DPP10: variants seen among roughly 807,000 people sequenced by gnomAD.
DPP10 encodes the protein dipeptidyl peptidase like 10.
In DPP10, 33 loss-of-function variants were observed where a neutral mutation model predicts 120.9. The observed-to-expected ratio is 0.27, with a 90% CI of 0.21 to 0.37. The LOEUF (loss-of-function observed/expected upper bound fraction) is 0.37, where lower values mean the gene tolerates loss of function less well. Among genes scored for constraint, DPP10 ranks in the 10% least tolerant of loss-of-function variants. The pLI, the probability that DPP10 is intolerant of heterozygous loss-of-function variation, is 1.00. For synonymous variants in DPP10, 337 were observed against 326.1 expected (o/e 1.03, Z -0.36); for missense variants, 816 against 942.8 (o/e 0.87, Z 1.76).
intron 1 of DPP10, among the ~76,000 whole-genome samples, chr2:114,935,820 G>T (rs1188137889): frequency 6.6e-6 from 1 of 151,162 alleles, no homozygotes; most frequent in Non-Finnish European, 1.5e-5. Context: ...GAAGAAGCAA[G>T]TTTGGGAACC....
At chr2:115,489,228 T>A (rs192833514) in intron 3 of DPP10, among the ~76,000 whole-genome samples, 1 of 152,020 alleles carries the variant, frequency 6.6e-6, no homozygotes, top group African/African-American at 2.4e-5. Context: ...TAAATAGATG[T>A]AGCTGTGTTC....
intron 5 of DPP10, among the ~76,000 whole-genome samples, chr2:115,542,798 G>A (rs1422212124): frequency 6.6e-6 from 1 of 151,708 alleles, no homozygotes; most frequent in African/African-American, 2.4e-5. Flanking sequence ...GATTGTATTA[G>A]GTGACTCAAA....
At chr2:114,583,676 A>C (rs565542027) in intron 1 of DPP10, among the ~76,000 whole-genome samples, 33 of 152,322 alleles carry the variant, frequency 2.2e-4, no homozygotes, top group African/African-American at 7.9e-4. Flanking sequence ...ATAATATTTA[A>C]GGTGAATTTA....
intron 1 of DPP10, among the ~76,000 whole-genome samples, chr2:114,888,004 G>A (rs752113375): frequency 2.0e-5 from 3 of 151,982 alleles, no homozygotes; most frequent in Admixed American, 6.6e-5. Context: ...TTAGCTGGGC[G>A]TGGTGGTGGG....
chr2:115,123,750 C>A (rs919357883), intron 1 of DPP10, among the ~76,000 whole-genome samples: 4 of 152,110 alleles, frequency 2.6e-5, no homozygotes, highest in African/African-American at 9.7e-5. Context: ...GCAGCCCTCT[C>A]CTGCTGTGCT....
intron 1 of DPP10, among the ~76,000 whole-genome samples, chr2:114,505,981 A>G (rs1318819963): frequency 6.6e-6 from 1 of 152,236 alleles, no homozygotes; most frequent in Non-Finnish European, 1.5e-5. Flanking sequence ...TCCTGGTAAG[A>G]ACTCATTAAA....
At chr2:114,496,812 C>T (rs541456673) in intron 1 of DPP10, among the ~76,000 whole-genome samples, 2 of 151,990 alleles carry the variant, frequency 1.3e-5, no homozygotes, top group South Asian at 4.2e-4. Flanking sequence ...ACTGCTATTG[C>T]CAGGATGAAA....
intron 1 of DPP10, among the ~76,000 whole-genome samples, chr2:115,207,416 CAAAAAAAAAAAAAAAAAA>C (rs57462947): frequency 1.9e-5 from 1 of 52,312 alleles, no homozygotes; most frequent in Admixed American, 2.2e-4. Context: ...CTTACTGCAC[CAAAAAAAAAAAAAAAAAA>C]AAAAAAAAAA....
At chr2:115,161,820 CCCTCCGCT>C in intron 1 of DPP10, 1 of 814,164 alleles carries the variant, frequency 1.2e-6, no homozygotes, top group Non-Finnish European at 1.7e-6. Context: ...CCCTCCCCGC[CCCTCCGCT>C]CCCCCCACCC....
chr2:114,795,700 C>G (rs563527130), intron 1 of DPP10, among the ~76,000 whole-genome samples: 1 of 152,114 alleles, frequency 6.6e-6, no homozygotes, highest in East Asian at 1.9e-4. Flanking sequence ...TTTGAAAAAA[C>G]TCACTGATGA....
chr2:114,586,709 T>G (rs1325104055), intron 1 of DPP10, among the ~76,000 whole-genome samples: 1 of 152,156 alleles, frequency 6.6e-6, no homozygotes, highest in Non-Finnish European at 1.5e-5. Context: ...TGAGAGGTGT[T>G]TGGGTCATGG....
rs114527821 is a variant in DPP10 at position 114,658,267 on chromosome 2, A to G, written c.60+215429A>G. On this transcript the variant is annotated intron_variant, in intron 1 of 25. Coordinates refer to ENST00000410059, the MANE Select transcript of DPP10 (RefSeq NM_020868.6). ...GTATGGAGATAAAGGATATTTGACA[A>G]TTTGACATGGTGGAGAGAGTATATG... 1.3e-3 allele frequency among the ~76,000 whole-genome samples: 196 copies of G among 152,306 alleles called. 1 individual carries two copies. Among genetic ancestry groups the G allele is most frequent in the African/African-American group, 4.5e-3 (187 of 41,570 alleles).
intron 5 of DPP10, among the ~76,000 whole-genome samples, chr2:115,621,307 T>G (rs2084926457): frequency 6.6e-6 from 1 of 152,248 alleles, no homozygotes; most frequent in East Asian, 1.9e-4. Flanking sequence ...TATCCTTCTA[T>G]TATAAAATAT....
At chr2:115,760,535 A>G (rs536123284) in intron 11 of DPP10, among the ~76,000 whole-genome samples, 14 of 152,186 alleles carry the variant, frequency 9.2e-5, no homozygotes, top group African/African-American at 2.4e-4. Flanking sequence ...GCATTTCACT[A>G]TATGTGAAAA....
At chr2:114,647,208 TCCA>T (rs1275140795) in intron 1 of DPP10, among the ~76,000 whole-genome samples, 7 of 152,224 alleles carry the variant, frequency 4.6e-5, no homozygotes, top group Non-Finnish European at 1.0e-4. Flanking sequence ...GCTCCAGGTG[TCCA>T]TCTTTCTATC....
chr2:114,812,329 C>T (rs886431146), intron 1 of DPP10, among the ~76,000 whole-genome samples: 3 of 152,018 alleles, frequency 2.0e-5, no homozygotes, highest in Admixed American at 6.6e-5. Flanking sequence ...AGGCTGGTCA[C>T]GGTGACTCAT....
At chr2:114,502,615 A>T (rs1463187999) in intron 1 of DPP10, among the ~76,000 whole-genome samples, 3 of 152,178 alleles carry the variant, frequency 2.0e-5, no homozygotes, top group Non-Finnish European at 4.4e-5. Flanking sequence ...TCCTTTCAGA[A>T]TTGAAATGCC....
chr2:115,109,815 T>C (rs1157403517), intron 1 of DPP10, among the ~76,000 whole-genome samples: 5 of 152,172 alleles, frequency 3.3e-5, no homozygotes, highest in African/African-American at 1.2e-4. Context: ...GGCCGGACTT[T>C]ACACTAAACA....
chr2:115,132,809 A>G (rs1221160141), intron 1 of DPP10, among the ~76,000 whole-genome samples: 1 of 151,998 alleles, frequency 6.6e-6, no homozygotes, highest in Non-Finnish European at 1.5e-5. Context: ...AAACCCCACT[A>G]ATTGCCCATC....
Sources: allele counts gnomAD v4.1 joint callset (sites outside exome capture counted in the v4.1 genomes callset), GRCh38; gene constraint gnomAD v4.1.1; transcripts MANE v1.5; gene names NCBI Gene and HGNC (gene_info 2026-07-23, HGNC 2026-07-21).